The following GCH1 variants were observed in gnomAD, a reference collection of about 807,000 sequenced individuals.
The protein encoded by GCH1 is GTP cyclohydrolase 1.
In GCH1, 5 loss-of-function variants were observed where a neutral mutation model predicts 25.9. The observed-to-expected ratio is 0.19, with a 90% CI of 0.10 to 0.41. GCH1 has a LOEUF of 0.41. Ranked by LOEUF, GCH1 falls within the 10% of genes least tolerant of loss-of-function variation. GCH1 has a pLI of 1.00. For missense variants in GCH1, 261 were observed against 336.5 expected (o/e 0.78, Z 1.75); for synonymous variants, 159 against 129.6 (o/e 1.23, Z -1.54).
chr14:54,897,889 T>C (rs958470425), intron 1 of GCH1, among the ~76,000 whole-genome samples: 1 of 152,208 alleles, frequency 6.6e-6, no homozygotes, highest in East Asian at 1.9e-4. Context: ...GGGGATACAT[T>C]CTGAGAAACA....
At chr14:54,898,979 G>A (rs971755916) in intron 1 of GCH1, among the ~76,000 whole-genome samples, 1 of 151,876 alleles carries the variant, frequency 6.6e-6, no homozygotes, top group African/African-American at 2.4e-5. Flanking sequence ...GAGACGAGAG[G>A]AAAAAACTAA....
At chr14:54,886,833 G>A (rs1410873860) in intron 1 of GCH1, among the ~76,000 whole-genome samples, 1 of 152,164 alleles carries the variant, frequency 6.6e-6, no homozygotes, top group Non-Finnish European at 1.5e-5. Context: ...GTCCCCTTCA[G>A]GAAACACGCA....
At chr14:54,863,848 G>GTTTGTTTGTTTGT (rs75881480) in intron 2 of GCH1, among the ~76,000 whole-genome samples, 20 of 151,396 alleles carry the variant, frequency 1.3e-4, no homozygotes, top group African/African-American at 4.6e-4. Flanking sequence ...GGGTTTCGTT[G>GTTTGTTTGTTTGT]TTGTTTGTTT....
At chr14:54,899,901 G>A (rs2040539518) in intron 1 of GCH1, among the ~76,000 whole-genome samples, 1 of 149,254 alleles carries the variant, frequency 6.7e-6, no homozygotes, top group Non-Finnish European at 1.5e-5. Context: ...TTTAGTTCTT[G>A]TTGCCCAGGC....
chr14:54,870,979 C>G (rs1237852981), intron 1 of GCH1, among the ~76,000 whole-genome samples: 1 of 152,228 alleles, frequency 6.6e-6, no homozygotes, highest in African/African-American at 2.4e-5. Context: ...AAGTCCCTGT[C>G]TGACAGCTTG....
At chr14:54,894,310 G>GGCAGCGACTGGAGTGAC in intron 1 of GCH1, among the ~76,000 whole-genome samples, 1 of 152,194 alleles carries the variant, frequency 6.6e-6, no homozygotes, top group Non-Finnish European at 1.5e-5. Context: ...CACTGACAGA[G>GGCAGCGACTGGAGTGAC]GCAGCGACTG....
In GCH1 at chr14:54,846,982, A is replaced by T. The variant is rs943893399; in HGVS notation, c.541+117T>A. 7 of 490,912 alleles carry T rather than the reference A, an allele frequency of 1.4e-5. No homozygotes were observed. In the East Asian group the frequency reaches 3.0e-4, roughly 21 times the overall value. 30.4% of individuals were successfully genotyped at this position (490,912 alleles called of 1,614,324 possible). A position where few individuals can be genotyped will look rare whatever the true frequency, so the allele number is the denominator to read the frequency against. On this transcript the variant is annotated intron_variant, in intron 4 of 5. Coordinates refer to ENST00000491895, the MANE Select transcript of GCH1 (RefSeq NM_000161.3). ...AAGGCTGAGGCTGCAGTGAGCCGAGATTGCACCACTGCACTCCAGCCTGGG... is the reference window on the plus strand; with the variant it reads ...AAGGCTGAGGCTGCAGTGAGCCGAGTTTGCACCACTGCACTCCAGCCTGGG...
intron 1 of GCH1, among the ~76,000 whole-genome samples, chr14:54,900,283 C>T (rs542135064): frequency 3.9e-5 from 6 of 152,154 alleles, no homozygotes; most frequent in South Asian, 2.1e-4. Context: ...AATCTCGGCT[C>T]ACTGCAACCT....
At chr14:54,855,233 C>T (rs994687161) in intron 3 of GCH1, among the ~76,000 whole-genome samples, 3 of 152,200 alleles carry the variant, frequency 2.0e-5, no homozygotes, top group South Asian at 2.1e-4. Context: ...GGGCCAGGCG[C>T]GGTGGCTCAC....
chr14:54,845,890 C>T lies in GCH1; in HGVS notation c.542-38G>A, dbSNP rs762861837. ...TAAGGAGCTCAGTTTGAGAGTCTGA[C>T]ACAAACAGCTGGAAGCTTTTTCTGT... On this transcript the variant is annotated intron_variant, in intron 4 of 5. Coordinates refer to ENST00000491895, the MANE Select transcript of GCH1 (RefSeq NM_000161.3). 7 of 1,087,736 alleles carry T rather than the reference C, an allele frequency of 6.4e-6. No individual in the cohort carries two copies. The Middle Eastern group carries it at 1.2e-3, about 185-fold the overall frequency. 67.4% of individuals were successfully genotyped at this position (1,087,736 alleles called of 1,614,324 possible).
chr14:54,900,317 C>T (rs1488683067), intron 1 of GCH1, among the ~76,000 whole-genome samples: 1 of 151,922 alleles, frequency 6.6e-6, no homozygotes, highest in South Asian at 2.1e-4. Context: ...TCAAGTGATT[C>T]TCCTGCCTCA....
Position 54,845,861 on chromosome 14 carries a change from G to A in GCH1, c.542-9C>T, listed in dbSNP as rs1302065632. 3 of 1,504,534 alleles carry A rather than the reference G, an allele frequency of 2.0e-6. No individual in the cohort carries two copies. The highest frequency in any genetic ancestry group is 1.9e-6 in the Non-Finnish European group (2 of 1,079,960). The allele number at this position is 1,504,534 out of a possible 1,614,324, so 93.2% of individuals were successfully genotyped here. ...TGTAAGGCGCTCCTGAACTGTGGAT[G>A]TGATAAGGAGCTCAGTTTGAGAGTC... On this transcript the variant is annotated splice_polypyrimidine_tract_variant and intron_variant, in intron 4 of 5. Transcript: ENST00000491895.
intron 1 of GCH1, among the ~76,000 whole-genome samples, chr14:54,882,188 G>A (rs1355540890): frequency 2.6e-5 from 4 of 152,218 alleles, no homozygotes; most frequent in South Asian, 2.1e-4. Flanking sequence ...TAAAGTAGAA[G>A]GAATGAATAA....
At position 54,876,375 on chromosome 14, in the gene GCH1, G is replaced by A. The variant is rs184134690; in HGVS notation, c.344-10939C>T. 3.2e-3 allele frequency among the ~76,000 whole-genome samples: 492 copies of A among 152,196 alleles called. 3 individuals are homozygous for A. Among genetic ancestry groups the A allele is most frequent in the African/African-American group, 0.011 (449 of 41,512 alleles). ...GGGGAGAGGGGAGGGATAGCATTAG[G>A]AGATATACCTAATGTTAAATGACGA... is the stretch of plus-strand genomic sequence containing the variant. On this transcript the variant is annotated intron_variant, in intron 1 of 5. Coordinates refer to ENST00000491895, the MANE Select transcript of GCH1 (RefSeq NM_000161.3).
In GCH1 at chr14:54,856,452, T is replaced by C. The variant is rs543110083; in HGVS notation, c.509+3229A>G. On this transcript the variant is annotated intron_variant, in intron 3 of 5. Coordinates refer to ENST00000491895, the MANE Select transcript of GCH1 (RefSeq NM_000161.3). ...TTTCGTACATTCACTCAATTATTTA[T>C]TTATTTATTTATTTTTAGTGACACA... Among the ~76,000 whole-genome samples, 6 of 152,254 alleles carry C rather than the reference T, an allele frequency of 3.9e-5. No homozygotes were observed. The East Asian group carries it at 1.2e-3, about 29-fold the overall frequency.
At chr14:54,855,740 G>A (rs2039801315) in intron 3 of GCH1, among the ~76,000 whole-genome samples, 1 of 151,956 alleles carries the variant, frequency 6.6e-6, no homozygotes, top group Non-Finnish European at 1.5e-5. Flanking sequence ...CTTGAACCCA[G>A]GAGGCAGAGG....
chr14:54,885,545 GC>G (rs1269158517), intron 1 of GCH1: 2 of 371,028 alleles, frequency 5.4e-6, no homozygotes, highest in Non-Finnish European at 1.0e-5. Context: ...AAGCAGATCT[GC>G]CCCCAGCAAG....
chr14:54,883,297 G>A (rs763852018), intron 1 of GCH1, among the ~76,000 whole-genome samples: 1 of 146,226 alleles, frequency 6.8e-6, no homozygotes, highest in Non-Finnish European at 1.5e-5. Context: ...GCTTGAACCC[G>A]AGAAGCGGAG....
Position 54,854,701 on chromosome 14 carries a change from T to C in GCH1, c.509+4980A>G, listed in dbSNP as rs75723464. On this transcript the variant is annotated intron_variant, in intron 3 of 5. Transcript: ENST00000491895. ...AAGAATAAAAAGACAAATAACTCAG[T>C]GGAAAAATTAATACTGGAGCTAAGA... Among the ~76,000 whole-genome samples the C allele has an allele frequency of 8.7e-3, 1,331 of 152,196 alleles. 20 individuals carry two copies. The highest frequency in any genetic ancestry group is 0.031 in the African/African-American group (1,277 of 41,510).
Sources: gnomAD v4.1 joint callset for allele counts (sites outside exome capture counted in the v4.1 genomes callset) on GRCh38, gnomAD v4.1.1 for gene constraint, MANE v1.5 for transcripts, NCBI Gene and HGNC (gene_info 2026-07-23, HGNC 2026-07-21) for gene names.